The following NRG1 variants were observed in gnomAD, a reference collection of about 807,000 sequenced individuals.
The protein encoded by NRG1 is neuregulin 1.
In NRG1, 18 loss-of-function variants were observed where a neutral mutation model predicts 63.8. The ratio of observed to expected loss-of-function variants is 0.28; its 90% CI spans 0.19 to 0.42. The LOEUF is 0.42. NRG1 is among the 10% of genes least tolerant of loss of function. The pLI is 1.00. For synonymous variants in NRG1, 302 were observed against 301.3 expected (o/e 1.00, Z -0.02); for missense variants, 762 against 814.7 (o/e 0.94, Z 0.79).
chr8:32,538,647 T>C (rs963889119), intron 1 of NRG1, among the ~76,000 whole-genome samples: 4 of 152,198 alleles, frequency 2.6e-5, no homozygotes, highest in African/African-American at 7.2e-5. Context: ...TTAAAGTATA[T>C]TGAGTTGGAG....
chr8:32,038,637 T>G (rs983000606), intron 1 of NRG1, among the ~76,000 whole-genome samples: 3 of 152,196 alleles, frequency 2.0e-5, no homozygotes, highest in Non-Finnish European at 1.5e-5. Context: ...TAGTTCTCTA[T>G]TTTTAAAAAT....
At chr8:32,296,496 C>T (rs1265699430) in intron 1 of NRG1, among the ~76,000 whole-genome samples, 1 of 151,890 alleles carries the variant, frequency 6.6e-6, no homozygotes, top group Non-Finnish European at 1.5e-5. Flanking sequence ...TGCCTGTAAT[C>T]CCAACTACTT....
intron 1 of NRG1, among the ~76,000 whole-genome samples, chr8:31,653,084 A>T (rs1805065141): frequency 6.8e-6 from 1 of 146,350 alleles, no homozygotes; most frequent in Admixed American, 7.0e-5. Flanking sequence ...TTCAATAAAA[A>T]TAAAAGCCTA....
intron 1 of NRG1, among the ~76,000 whole-genome samples, chr8:31,686,015 G>C (rs758796759): frequency 5.3e-5 from 8 of 152,080 alleles, no homozygotes; most frequent in Non-Finnish European, 1.0e-4. Flanking sequence ...GTATACCTAG[G>C]AGTGGAATTG....
intron 1 of NRG1, among the ~76,000 whole-genome samples, chr8:32,090,099 C>G (rs1828882933): frequency 6.6e-6 from 1 of 152,088 alleles, no homozygotes. Context: ...ATAGAGTCCA[C>G]CTCTTAAAGG....
chr8:32,010,861 G>A (rs888618070), intron 1 of NRG1, among the ~76,000 whole-genome samples: 1 of 152,066 alleles, frequency 6.6e-6, no homozygotes, highest in Non-Finnish European at 1.5e-5. Context: ...AGAACTTAAT[G>A]TACCAAATCT....
intron 1 of NRG1, among the ~76,000 whole-genome samples, chr8:32,147,200 A>G (rs28493039): frequency 0.021 from 3,224 of 152,244 alleles, 119 homozygotes; most frequent in African/African-American, 0.074. Context: ...GCTTGACAAT[A>G]TACGTCAAAT....
intron 1 of NRG1, among the ~76,000 whole-genome samples, chr8:32,514,583 T>C (rs1327965277): frequency 6.6e-6 from 1 of 152,154 alleles, no homozygotes; most frequent in African/African-American, 2.4e-5. Context: ...ATGAACTGGA[T>C]TTTCAAATAT....
intron 1 of NRG1, among the ~76,000 whole-genome samples, chr8:32,090,599 G>A (rs1440267127): frequency 6.6e-6 from 1 of 152,126 alleles, no homozygotes; most frequent in Non-Finnish European, 1.5e-5. Flanking sequence ...GAGATTACAG[G>A]CGTGAGCCAC....
intron 1 of NRG1, among the ~76,000 whole-genome samples, chr8:31,832,244 C>T (rs1043360561): frequency 1.0e-4 from 14 of 139,142 alleles, no homozygotes; most frequent in Non-Finnish European, 2.0e-4. Flanking sequence ...CCATTAAATG[C>T]TCTAGTTTTT....
chr8:31,801,470 G>A (rs773455080), intron 1 of NRG1, among the ~76,000 whole-genome samples: 18 of 151,940 alleles, frequency 1.2e-4, no homozygotes, highest in South Asian at 6.3e-4. Flanking sequence ...CTCATTTGTC[G>A]CTGTAACATA....
chr8:31,922,403 T>C (rs960945988), intron 1 of NRG1, among the ~76,000 whole-genome samples: 1 of 152,154 alleles, frequency 6.6e-6, no homozygotes, highest in Non-Finnish European at 1.5e-5. Context: ...AAAATATACA[T>C]CAATAAATCA....
At chr8:32,633,056 T>A (rs111427504) in intron 5 of NRG1, among the ~76,000 whole-genome samples, 2,048 of 152,306 alleles carry the variant, frequency 0.013, 47 homozygotes, top group African/African-American at 0.047. Flanking sequence ...TTTTGACTAC[T>A]TTTTTATGCT....
intron 5 of NRG1, among the ~76,000 whole-genome samples, chr8:32,694,486 T>C (rs1276823468): frequency 6.6e-6 from 1 of 152,216 alleles, no homozygotes. Flanking sequence ...TGACCCATCA[T>C]GGTGCTCGAT....
chr8:31,707,774 T>C (rs138523390), intron 1 of NRG1, among the ~76,000 whole-genome samples: 3,966 of 152,266 alleles, frequency 0.026, 71 homozygotes, highest in Middle Eastern at 0.051. Context: ...TTGAATTCTA[T>C]TTTACTCATC....
chr8:32,143,393 C>G (rs1836512171), intron 1 of NRG1, among the ~76,000 whole-genome samples: 1 of 152,080 alleles, frequency 6.6e-6, no homozygotes, highest in African/African-American at 2.4e-5. Context: ...GCACTAACAG[C>G]AAGAATAATA....
chr8:32,531,681 T>C (rs1027752470), intron 1 of NRG1, among the ~76,000 whole-genome samples: 1 of 152,192 alleles, frequency 6.6e-6, no homozygotes, highest in Non-Finnish European at 1.5e-5. Flanking sequence ...GGGTGTTGTA[T>C]GGGTGTCTTA....
intron 3 of NRG1, among the ~76,000 whole-genome samples, chr8:32,611,322 C>T (rs1846322326): frequency 6.6e-6 from 1 of 152,020 alleles, no homozygotes; most frequent in South Asian, 2.1e-4. Flanking sequence ...TAAAAATAGA[C>T]TCATACTGGT....
chr8:32,359,312 C>A (rs1165455916), intron 1 of NRG1, among the ~76,000 whole-genome samples: 1 of 152,144 alleles, frequency 6.6e-6, no homozygotes, highest in Non-Finnish European at 1.5e-5. Context: ...ATCACATATG[C>A]AGATTGATCT....
Sources: allele counts gnomAD v4.1 joint callset (sites outside exome capture counted in the v4.1 genomes callset), GRCh38; gene constraint gnomAD v4.1.1; transcripts MANE v1.5; gene names NCBI Gene and HGNC (gene_info 2026-07-23, HGNC 2026-07-21).